SIPA1L1: variants seen among roughly 807,000 people sequenced by gnomAD.
SIPA1L1 encodes the protein signal induced proliferation associated 1 like 1.
Under a neutral mutation model 162.7 loss-of-function variants are expected in SIPA1L1, and 26 were observed. The ratio of observed to expected loss-of-function variants is 0.16; its 90% CI spans 0.12 to 0.22. The LOEUF (loss-of-function observed/expected upper bound fraction) is 0.22. SIPA1L1 is among the 10% of genes least tolerant of loss of function. The probability of loss-of-function intolerance (pLI) is 1.00; values close to 1 mark genes in which losing one functional copy is unlikely to be tolerated. For synonymous variants in SIPA1L1, 829 were observed against 837.4 expected, an observed-to-expected ratio of 0.99 and a Z score of 0.17; for missense variants, 1,874 against 2,241.0, an observed-to-expected ratio of 0.84 and a Z score of 3.31.
chr14:71,530,536 T>G (rs1193074351), intron 4 of SIPA1L1, among the ~76,000 whole-genome samples: 1 of 152,156 alleles, frequency 6.6e-6, no homozygotes, highest in Non-Finnish European at 1.5e-5. Context: ...GAAAAATTAG[T>G]AGGAATATTT....
At chr14:71,673,274 C>G (rs1205358526) in intron 12 of SIPA1L1, among the ~76,000 whole-genome samples, 1 of 152,184 alleles carries the variant, frequency 6.6e-6, no homozygotes. Context: ...TTCTCTGTCT[C>G]TGGGGAGGTT....
At chr14:71,639,204 C>G (rs1462967426) in intron 7 of SIPA1L1, among the ~76,000 whole-genome samples, 1 of 152,134 alleles carries the variant, frequency 6.6e-6, no homozygotes, top group Non-Finnish European at 1.5e-5. Flanking sequence ...TCCAATAGTT[C>G]AAGGCCAGCC....
At chr14:71,585,486 G>A (rs1174885493) in intron 4 of SIPA1L1, among the ~76,000 whole-genome samples, 2 of 152,302 alleles carry the variant, frequency 1.3e-5, no homozygotes, top group East Asian at 1.9e-4. Context: ...AATACTGATG[G>A]TGGAGACTGA....
At chr14:71,456,105 C>T (rs1405478368) in intron 2 of SIPA1L1, among the ~76,000 whole-genome samples, 1 of 152,164 alleles carries the variant, frequency 6.6e-6, no homozygotes, top group African/African-American at 2.4e-5. Context: ...CAGTTTTTAA[C>T]AATCCTCTGA....
intron 3 of SIPA1L1, among the ~76,000 whole-genome samples, chr14:71,518,974 GACTT>G (rs2052019827): frequency 6.6e-6 from 1 of 152,126 alleles, no homozygotes; most frequent in Non-Finnish European, 1.5e-5. Flanking sequence ...GATCTCTTGA[GACTT>G]ACTCACTATC....
chr14:71,605,475 T>G (rs1596374889), intron 5 of SIPA1L1, among the ~76,000 whole-genome samples: 1 of 152,250 alleles, frequency 6.6e-6, no homozygotes, highest in Admixed American at 6.5e-5. Context: ...TACATTACTA[T>G]GTACACATCT....
chr14:71,412,991 A>G (rs893497628), intron 2 of SIPA1L1, among the ~76,000 whole-genome samples: 3 of 152,196 alleles, frequency 2.0e-5, no homozygotes, highest in Non-Finnish European at 4.4e-5. Context: ...GGAATTTCCA[A>G]ATATGCAGTG....
At chr14:71,654,833 A>G (rs547674473) in intron 8 of SIPA1L1, among the ~76,000 whole-genome samples, 61 of 152,328 alleles carry the variant, frequency 4.0e-4, no homozygotes, top group African/African-American at 1.5e-3. Flanking sequence ...CAGATAAAAA[A>G]GCATTTTTTT....
intron 2 of SIPA1L1, among the ~76,000 whole-genome samples, chr14:71,339,565 T>C (rs533787503): frequency 6.6e-6 from 1 of 152,232 alleles, no homozygotes; most frequent in South Asian, 2.1e-4. Context: ...GGTTTCACCA[T>C]GTTGGCCAGG....
chr14:71,416,514 G>C (rs147063026), intron 2 of SIPA1L1, among the ~76,000 whole-genome samples: 5 of 152,080 alleles, frequency 3.3e-5, no homozygotes, highest in Middle Eastern at 3.4e-3. Context: ...ATCTCTAATA[G>C]GTCAGGTGGG....
At chr14:71,683,312 G>A (rs761466453) in intron 12 of SIPA1L1, among the ~76,000 whole-genome samples, 4 of 152,174 alleles carry the variant, frequency 2.6e-5, no homozygotes, top group Non-Finnish European at 5.9e-5. Context: ...TACATGTGCT[G>A]GTTCCTAGCA....
chr14:71,527,006 G>A (rs955161949), intron 3 of SIPA1L1, among the ~76,000 whole-genome samples: 1 of 152,070 alleles, frequency 6.6e-6, no homozygotes, highest in East Asian at 1.9e-4. Context: ...CTAAGTCTTG[G>A]TGTTGTCAGA....
intron 17 of SIPA1L1, among the ~76,000 whole-genome samples, chr14:71,713,079 G>A (rs2082996368): frequency 6.6e-6 from 1 of 152,172 alleles, no homozygotes; most frequent in African/African-American, 2.4e-5. Flanking sequence ...AACTAGCTGG[G>A]CACGGTGACA....
intron 2 of SIPA1L1, among the ~76,000 whole-genome samples, chr14:71,355,500 C>G (rs952019513): frequency 1.3e-5 from 2 of 152,300 alleles, no homozygotes; most frequent in South Asian, 4.1e-4. Context: ...GGCATTAGAT[C>G]ACCTTGCCTG....
chr14:71,517,595 A>C (rs1414894260), intron 3 of SIPA1L1, among the ~76,000 whole-genome samples: 1 of 152,192 alleles, frequency 6.6e-6, no homozygotes, highest in East Asian at 1.9e-4. Context: ...CCTACCTAAC[A>C]TCTTGACTGC....
intron 13 of SIPA1L1, among the ~76,000 whole-genome samples, chr14:71,694,142 A>G (rs902048869): frequency 1.3e-5 from 2 of 152,296 alleles, no homozygotes; most frequent in East Asian, 3.9e-4. Context: ...AGAATCTATT[A>G]ATGTTGGCAC....
At chr14:71,497,317 A>T (rs2049868886) in intron 2 of SIPA1L1, among the ~76,000 whole-genome samples, 1 of 152,134 alleles carries the variant, frequency 6.6e-6, no homozygotes, top group Non-Finnish European at 1.5e-5. Flanking sequence ...AATGCTGGGG[A>T]TTACAGATGT....
intron 4 of SIPA1L1, among the ~76,000 whole-genome samples, chr14:71,538,749 GT>G (rs1255839171): frequency 4.6e-5 from 7 of 152,018 alleles, no homozygotes; most frequent in Non-Finnish European, 8.8e-5. Context: ...GTTTGTGTCT[GT>G]TTTCTGGTGT....
At chr14:71,519,872 A>G (rs2052132617) in intron 3 of SIPA1L1, among the ~76,000 whole-genome samples, 1 of 152,122 alleles carries the variant, frequency 6.6e-6, no homozygotes, top group Non-Finnish European at 1.5e-5. Flanking sequence ...TATAATAGTG[A>G]TTAATTATAG....
Sources: gnomAD v4.1 joint callset for allele counts (sites outside exome capture counted in the v4.1 genomes callset) on GRCh38, gnomAD v4.1.1 for gene constraint, MANE v1.5 for transcripts, NCBI Gene and HGNC (gene_info 2026-07-23, HGNC 2026-07-21) for gene names.